MOK: variants seen among roughly 807,000 people sequenced by gnomAD.
The protein encoded by MOK is MOK protein kinase.
In MOK, 59 loss-of-function variants were observed where a neutral mutation model predicts 54.2. The ratio of observed to expected loss-of-function variants is 1.09; its 90% CI spans 0.88 to 1.35. The LOEUF (loss-of-function observed/expected upper bound fraction) is 1.35. Among genes scored for constraint, MOK ranks in the 40% most tolerant of loss-of-function variants. The pLI, the probability that MOK is intolerant of heterozygous loss-of-function variation, is 0.00. For missense variants in MOK, 517 were observed against 526.2 expected (o/e 0.98, Z 0.17); for synonymous variants, 210 against 202.7 (o/e 1.04, Z -0.31).
intron 1 of MOK, among the ~76,000 whole-genome samples, chr14:102,297,390 CAAAT>C (rs141997779): frequency 0.19 from 29,254 of 151,988 alleles, 3,108 homozygotes; most frequent in African/African-American, 0.29. Context: ...AATAAATAAA[CAAAT>C]AAAATAAAAA....
intron 2 of MOK, among the ~76,000 whole-genome samples, chr14:102,282,756 A>G (rs1011364160): frequency 5.4e-5 from 8 of 148,962 alleles, no homozygotes; most frequent in African/African-American, 2.0e-4. Context: ...ACACAAAAAC[A>G]AACAAAATCA....
In MOK at chr14:102,248,477, A is replaced by G. The variant is rs148347994; in HGVS notation, c.590+2335T>C. ...CACAAGGTGATATGTGGCAAAATTA[A>G]CCAGCAAACAACCCTGGGATGGCCG... On this transcript the variant is annotated intron_variant, in intron 7 of 11. Coordinates refer to ENST00000361847, the MANE Select transcript of MOK (RefSeq NM_014226.3). 5.6e-3 allele frequency among the ~76,000 whole-genome samples: 858 copies of G among 152,094 alleles called. 18 individuals carry two copies. Among genetic ancestry groups the G allele is most frequent in the East Asian group, 0.035 (179 of 5,166 alleles).
intron 2 of MOK, among the ~76,000 whole-genome samples, chr14:102,274,261 T>C (rs2068650485): frequency 1.3e-5 from 2 of 150,390 alleles, no homozygotes; most frequent in African/African-American, 4.9e-5. Context: ...CTGCATTTTT[T>C]TTTTTTTTTT....
At position 102,261,867 on chromosome 14, in the gene MOK, G is replaced by A. The variant is rs1339197361; in HGVS notation, c.283+1679C>T. ...TATTTTTTATTATTTTTTTTGAGAC[G>A]GAGTCTCGCTCTGTCACCCAGGCTG... On this transcript the variant is annotated intron_variant, in intron 4 of 11. Transcript: ENST00000361847. 6.2e-5 allele frequency among the ~76,000 whole-genome samples: 9 copies of A among 146,170 alleles called. No individual in the cohort carries two copies. In the East Asian group the frequency reaches 1.2e-3, roughly 20 times the overall value.
intron 2 of MOK, among the ~76,000 whole-genome samples, chr14:102,272,899 C>T (rs1038485110): frequency 1.3e-5 from 2 of 152,102 alleles, no homozygotes; most frequent in Non-Finnish European, 2.9e-5. Context: ...GGGCCGGGCA[C>T]AGTGGCTCAC....
At chr14:102,218,901 A>T in the MOK span, among the ~76,000 whole-genome samples, 2 of 152,192 alleles carry the variant, frequency 1.3e-5, no homozygotes, top group Non-Finnish European at 2.9e-5. Flanking sequence ...GCACAGGTGA[A>T]GCGTGGGCGG....
intron 4 of MOK, 106 bp downstream of exon 4, chr14:102,263,440 T>C (rs1377234894): frequency 3.8e-6 from 3 of 785,290 alleles, no homozygotes; most frequent in Admixed American, 3.1e-5. Flanking sequence ...GTATTATATA[T>C]AACTACAGCA....
chr14:102,299,431 C>T (rs1374460511), intron 1 of MOK, among the ~76,000 whole-genome samples: 1 of 151,906 alleles, frequency 6.6e-6, no homozygotes, highest in African/African-American at 2.4e-5. Flanking sequence ...ATGAGAATTG[C>T]TTGAACCCTG....
downstream of MOK, chr14:102,225,802 G>A: frequency 6.2e-6 from 1 of 162,130 alleles, no homozygotes; most frequent in Non-Finnish European, 1.4e-5. Flanking sequence ...CAAGCATTCA[G>A]CAGGCCCTGG....
chr14:102,261,535 T>A (rs1477658443), intron 4 of MOK, among the ~76,000 whole-genome samples: 5 of 148,892 alleles, frequency 3.4e-5, no homozygotes, highest in Non-Finnish European at 7.4e-5. Context: ...ACTTTTATTT[T>A]TTTTTTATTT....
At chr14:102,244,091 C>A (rs1044041948) in intron 7 of MOK, among the ~76,000 whole-genome samples, 2 of 152,170 alleles carry the variant, frequency 1.3e-5, no homozygotes, top group African/African-American at 4.8e-5. Context: ...ATCATTAATG[C>A]CTCTTTAATA....
At chr14:102,229,956 C>G (rs774245018) in intron 10 of MOK, 4 of 386,654 alleles carry the variant, frequency 1.0e-5, no homozygotes, top group Non-Finnish European at 1.4e-5. Context: ...CCTGCTCTAG[C>G]TCCAAGGTCT....
chr14:102,278,592 G>A, intron 2 of MOK: 1 of 451,244 alleles, frequency 2.2e-6, no homozygotes, highest in South Asian at 1.6e-5. Flanking sequence ...CACCAGCTCA[G>A]GACCTATACA....
downstream of MOK, chr14:102,224,432 A>G (rs1214181508): frequency 2.6e-6 from 1 of 379,290 alleles, no homozygotes. Flanking sequence ...CTGGAATCCC[A>G]ACAGAATGTG....
intron 2 of MOK, among the ~76,000 whole-genome samples, chr14:102,275,952 G>C (rs777751487): frequency 1.3e-5 from 2 of 151,676 alleles, no homozygotes; most frequent in Non-Finnish European, 2.9e-5. Flanking sequence ...TGTTTCTTAA[G>C]GTCTAAATTT....
chr14:102,298,719 A>G (rs2071754078), intron 1 of MOK, among the ~76,000 whole-genome samples: 1 of 152,222 alleles, frequency 6.6e-6, no homozygotes, highest in Admixed American at 6.5e-5. Context: ...AACATGCTCC[A>G]GTCCCCTTCC....
intron 1 of MOK, among the ~76,000 whole-genome samples, chr14:102,296,400 T>TAC (rs1304151599): frequency 3.9e-5 from 6 of 152,144 alleles, no homozygotes; most frequent in Admixed American, 3.9e-4. Context: ...TATATGTATA[T>TAC]ACACACACAC....
rs1428527875 is a variant in MOK, at chr14:102,269,122, G to A, written c.123-3210C>T. ...TTACTACTACTTATGATTTCATGAT[G>A]ATAAAAAAAGAGTCAATACATTAGG... On this transcript the variant is annotated intron_variant, in intron 2 of 11. Transcript: ENST00000361847. Among the ~76,000 whole-genome samples, 14 of 151,132 alleles carry A rather than the reference G, an allele frequency of 9.3e-5. 1 individual carries two copies. Among genetic ancestry groups the A allele is most frequent in the Non-Finnish European group, 2.1e-4 (14 of 67,876 alleles).
At chr14:102,299,223 T>G (rs2071858533) in intron 1 of MOK, among the ~76,000 whole-genome samples, 1 of 152,052 alleles carries the variant, frequency 6.6e-6, no homozygotes, top group Non-Finnish European at 1.5e-5. Flanking sequence ...CTTTTAAAAA[T>G]TCTCTCTGGG....
Sources: allele counts gnomAD v4.1 joint callset (sites outside exome capture counted in the v4.1 genomes callset), GRCh38; gene constraint gnomAD v4.1.1; transcripts MANE v1.5; gene names NCBI Gene and HGNC (gene_info 2026-07-23, HGNC 2026-07-21).